BICC1: variants seen among roughly 807,000 people sequenced by gnomAD.
The protein encoded by BICC1 is BicC family RNA binding protein 1.
Under a neutral mutation model 111.0 loss-of-function variants are expected in BICC1, and 43 were observed. That is an observed-to-expected ratio of 0.39 (90% CI 0.30 to 0.50). BICC1 has a LOEUF of 0.50. BICC1 is among the 20% of genes least tolerant of loss of function. BICC1 has a pLI of 0.88. For synonymous variants in BICC1, 467 were observed against 434.4 expected (o/e 1.07, Z -0.93); for missense variants, 1,091 against 1,203.2 (o/e 0.91, Z 1.38).
chr10:58,685,465 G>A (rs1028992710), intron 2 of BICC1, among the ~76,000 whole-genome samples: 1 of 152,084 alleles, frequency 6.6e-6, no homozygotes, highest in African/African-American at 2.4e-5. Context: ...TTGACAGTAG[G>A]GTGTTAAAAT....
At chr10:58,556,451 A>G (rs7099881) in intron 1 of BICC1, among the ~76,000 whole-genome samples, 74,483 of 151,938 alleles carry the variant, frequency 0.49, 18,519 homozygotes, top group South Asian at 0.55. Flanking sequence ...AAACTTGACC[A>G]AGAAATGTTA....
chr10:58,728,321 T>C (rs1438994294), intron 3 of BICC1, among the ~76,000 whole-genome samples: 2 of 152,234 alleles, frequency 1.3e-5, no homozygotes, highest in Non-Finnish European at 2.9e-5. Flanking sequence ...CAACAATCTT[T>C]GTAGCATCTT....
intron 1 of BICC1, among the ~76,000 whole-genome samples, chr10:58,534,714 C>CT (rs773555947): frequency 4.6e-5 from 7 of 151,660 alleles, no homozygotes; most frequent in Non-Finnish European, 1.0e-4. Flanking sequence ...AAAAAACACA[C>CT]TAACTCTCCA....
intron 3 of BICC1, among the ~76,000 whole-genome samples, chr10:58,751,756 G>A (rs954822357): frequency 1.3e-5 from 2 of 151,766 alleles, no homozygotes; most frequent in Admixed American, 1.3e-4. Context: ...TTTTGTTTAG[G>A]AGAGACAAAC....
intron 1 of BICC1, among the ~76,000 whole-genome samples, chr10:58,618,144 G>A (rs1845679650): frequency 6.6e-6 from 1 of 152,162 alleles, no homozygotes; most frequent in Non-Finnish European, 1.5e-5. Flanking sequence ...TGTCGGACCT[G>A]TGTGTCTGGG....
intron 3 of BICC1, among the ~76,000 whole-genome samples, chr10:58,768,995 G>T (rs1842535573): frequency 6.6e-6 from 1 of 152,042 alleles, no homozygotes; most frequent in African/African-American, 2.4e-5. Context: ...TGACAACATG[G>T]ATGAACCTGG....
intron 17 of BICC1, among the ~76,000 whole-genome samples, chr10:58,808,757 C>G (rs1197271414): frequency 6.6e-6 from 1 of 151,594 alleles, no homozygotes; most frequent in African/African-American, 2.4e-5. Flanking sequence ...CTCAACCCCC[C>G]TAAGCTGCAG....
At chr10:58,687,222 C>T (rs530182992) in intron 2 of BICC1, among the ~76,000 whole-genome samples, 92 of 152,336 alleles carry the variant, frequency 6.0e-4, no homozygotes, top group African/African-American at 2.1e-3. Context: ...CTGCCTGATC[C>T]TTCTTCTGGA....
chr10:58,823,483 T>C (rs1206452965), intron 20 of BICC1: 2 of 984,428 alleles, frequency 2.0e-6, no homozygotes, highest in Non-Finnish European at 2.4e-6. Context: ...ATGTACTCTC[T>C]TAGAAACTGT....
intron 1 of BICC1, among the ~76,000 whole-genome samples, chr10:58,536,524 CAAT>C (rs1842830306): frequency 6.6e-6 from 1 of 151,658 alleles, no homozygotes; most frequent in African/African-American, 2.4e-5. Flanking sequence ...TGATTGATAA[CAAT>C]GACACAAGTT....
At chr10:58,582,809 C>A (rs1844319142) in intron 1 of BICC1, among the ~76,000 whole-genome samples, 1 of 152,170 alleles carries the variant, frequency 6.6e-6, no homozygotes, top group South Asian at 2.1e-4. Flanking sequence ...GCACCTGATT[C>A]TTCTGCCTTT....
chr10:58,703,164 CTTTTTTT>C (rs3076275), intron 3 of BICC1, among the ~76,000 whole-genome samples: 22 of 130,388 alleles, frequency 1.7e-4, no homozygotes, highest in African/African-American at 5.8e-4. Flanking sequence ...TATCTTGCTA[CTTTTTTT>C]TTTTTTTTTT....
chr10:58,736,582 A>G (rs1841475503), intron 3 of BICC1, among the ~76,000 whole-genome samples: 1 of 152,166 alleles, frequency 6.6e-6, no homozygotes, highest in South Asian at 2.1e-4. Context: ...GATTTAAGAA[A>G]CACTGTAATG....
chr10:58,534,780 G>A (rs1842784009), intron 1 of BICC1, among the ~76,000 whole-genome samples: 1 of 151,002 alleles, frequency 6.6e-6, no homozygotes, highest in Admixed American at 6.6e-5. Flanking sequence ...AATTCAAAAG[G>A]TTGATTATTA....
chr10:58,718,784 G>GCGCA (rs1484870264), intron 3 of BICC1, among the ~76,000 whole-genome samples: 1 of 151,186 alleles, frequency 6.6e-6, no homozygotes, highest in African/African-American at 2.5e-5. Context: ...GCGTGCGCGC[G>GCGCA]TGCGCACGCC....
At chr10:58,772,788 C>G (rs762406862) in intron 3 of BICC1, among the ~76,000 whole-genome samples, 1 of 152,148 alleles carries the variant, frequency 6.6e-6, no homozygotes, top group Non-Finnish European at 1.5e-5. Flanking sequence ...ACAGAAATCT[C>G]ACTTCAATGT....
chr10:58,817,101 A>G (rs1277024422), intron 18 of BICC1, among the ~76,000 whole-genome samples: 1 of 152,132 alleles, frequency 6.6e-6, no homozygotes, highest in Non-Finnish European at 1.5e-5. Context: ...GCAATACCAT[A>G]CAATTCCTTT....
intron 1 of BICC1, among the ~76,000 whole-genome samples, chr10:58,594,564 C>G (rs1844749253): frequency 6.6e-6 from 1 of 152,112 alleles, no homozygotes; most frequent in Non-Finnish European, 1.5e-5. Flanking sequence ...GGGTAGGGGC[C>G]AATATTCAAC....
chr10:58,715,572 C>A, intron 3 of BICC1: 5 of 1,565,604 alleles, frequency 3.2e-6, no homozygotes, highest in Middle Eastern at 3.4e-4. Context: ...GCGGGACAAT[C>A]GGGTGGCCTA....
Sources: gnomAD v4.1 joint callset for allele counts (sites outside exome capture counted in the v4.1 genomes callset) on GRCh38, gnomAD v4.1.1 for gene constraint, MANE v1.5 for transcripts, NCBI Gene and HGNC (gene_info 2026-07-23, HGNC 2026-07-21) for gene names.